PRPF8: variants seen among roughly 807,000 people sequenced by gnomAD.
PRPF8 encodes the protein pre-mRNA-processing-splicing factor 8.
A neutral mutation model predicts 285.9 loss-of-function variants in PRPF8; 64 were observed. The ratio of observed to expected loss-of-function variants is 0.22; its 90% CI spans 0.18 to 0.28. The LOEUF is 0.28. Ranked by LOEUF, PRPF8 falls within the 10% of genes least tolerant of loss-of-function variation. The pLI, the probability that PRPF8 is intolerant of heterozygous loss-of-function variation, is 1.00. For missense variants in PRPF8, 1,426 were observed against 3,026.7 expected (o/e 0.47, Z 12.41); for synonymous variants, 1,325 against 1,118.2 (o/e 1.18, Z -3.69).
In PRPF8 at chr17:1,653,743, G is replaced by A. The variant is rs759858747; in HGVS notation, c.6227+34C>T. Reference sequence around the variant, plus strand: ...CCCAGCACCTTAGGTAGTGCAGCCGGCCTTTCCATCCCCACCCTCTTGCCC... The same window carrying A: ...CCCAGCACCTTAGGTAGTGCAGCCGACCTTTCCATCCCCACCCTCTTGCCC... On this transcript the variant is annotated intron_variant, in intron 38 of 42. Coordinates refer to ENST00000304992, the MANE Select transcript of PRPF8 (RefSeq NM_006445.4). This position sits in a 1 kb window ranked among gnomAD's most constrained non-coding sequence, Gnocchi z 4.9. The A allele has an allele frequency of 6.2e-7, 1 of 1,614,090 alleles. No individual in the cohort carries two copies.
rs375914297 is a variant in PRPF8 at position 1,680,911 on chromosome 17, G to T, written c.992+18C>A. 2,378 of 1,614,040 alleles carry T rather than the reference G, an allele frequency of 1.5e-3. 2 individuals carry two copies. The highest frequency in any genetic ancestry group is 1.8e-3 in the Non-Finnish European group (2,180 of 1,180,040). ...AGCAGCCTTCTCCTTTCCAAATGTT[G>T]TGTTCCAGGTCTCTTACCAGGTGAG... On this transcript the variant is annotated intron_variant, in intron 7 of 42. Coordinates refer to ENST00000304992, the MANE Select transcript of PRPF8 (RefSeq NM_006445.4).
rs1216019422 is a variant in PRPF8, at chr17:1,651,927, A to C, written c.6370-139T>G. On this transcript the variant is annotated intron_variant, in intron 39 of 42. Coordinates refer to ENST00000304992, the MANE Select transcript of PRPF8 (RefSeq NM_006445.4). This position sits in a 1 kb window ranked among gnomAD's most constrained non-coding sequence, Gnocchi z 5.1. ...CGTGATCAGAACCCCCTGTATCAGA[A>C]TCAGCTGGGGTGCTTGTTCAAAATG... is the stretch of plus-strand genomic sequence containing the variant. The C allele has an allele frequency of 5.4e-6, 6 of 1,117,232 alleles. No homozygotes were observed. The highest frequency in any genetic ancestry group is 6.7e-6 in the Non-Finnish European group (5 of 749,884). 69.2% of individuals were successfully genotyped at this position (1,117,232 alleles called of 1,614,324 possible).
rs755243296 is a variant in PRPF8, at chr17:1,679,308, A to G, written c.1392T>C (p.Pro464=). 1 of 1,614,134 alleles carries G rather than the reference A, an allele frequency of 6.2e-7. No individual in the cohort carries two copies. Among genetic ancestry groups the G allele is most frequent in the Admixed American group, 1.7e-5 (1 of 60,018 alleles). The stretch of plus-strand genomic sequence containing the variant: ...CACCTTACCTCTTCTTTTGAGCCTT[A>G]GGGGGCCGATGCTTCAGGGCATTCA... ...YVLNALKHRP[P]KAQKKRYLFR... is the part of the protein sequence containing the mutation. The change falls in exon 10 of 43, where the codon CCT becomes CCC. Residue 464 remains proline, a synonymous_variant. Transcript: ENST00000304992. This position sits in a 1 kb window ranked among gnomAD's most constrained non-coding sequence, Gnocchi z 4.7.
rs2151133793 is a variant in PRPF8 at position 1,684,544 on chromosome 17, G to GTGTT, written c.27_28insAACA (p.Pro10AsnfsTer4). ...AGAGGGCCAGGCACCGGGTTACCCG[G>GTGTT]CCCTCGATAAGGAAACACTCCGGCC... On this transcript the variant is annotated frameshift_variant, in exon 2 of 43. Coordinates refer to ENST00000304992, the MANE Select transcript of PRPF8 (RefSeq NM_006445.4). LOFTEE classifies it high-confidence loss of function. 2.5e-6 allele frequency: 4 copies of GTGTT among 1,612,592 alleles called. No individual in the cohort carries two copies.
Position 1,682,261 on chromosome 17 carries a change from T to C in PRPF8, c.302A>G (p.Lys101Arg), listed in dbSNP as rs748374536. The C allele has an allele frequency of 6.2e-7, 1 of 1,614,174 alleles. No individual in the cohort carries two copies. The highest frequency in any genetic ancestry group is 8.5e-7 in the Non-Finnish European group (1 of 1,180,034). ...ALKYMPHAVL[K>R]LLENMPMPWE... ...AGGCATAGGCATGTTCTCCAGGAGTTTGAGGACTGCGTGGGGCATGTACTT... is the reference window on the plus strand; with the variant it reads ...AGGCATAGGCATGTTCTCCAGGAGTCTGAGGACTGCGTGGGGCATGTACTT... Residue 101 changes from lysine (K) to arginine (R), a missense_variant, in exon 4 of 43, where the codon AAA (lysine) becomes AGA (arginine). Around this residue, in one of 34 missense-constraint regions of PRPF8, gnomAD observed 96 missense variants for 188.3 expected, o/e 0.51. Transcript: ENST00000304992.
In PRPF8 at chr17:1,653,055, C is replaced by G. The variant is rs577198654; in HGVS notation, c.6369+487G>C. ...CCGGGTTCAAGCAATTCTCCTGTCT[C>G]AACCTCCCTAGTAGCTGCAACTACG... On this transcript the variant is annotated intron_variant, in intron 39 of 42. Transcript: ENST00000304992. This position sits in a 1 kb window ranked among gnomAD's most constrained non-coding sequence, Gnocchi z 4.9. 7.9e-6 allele frequency: 2 copies of G among 254,164 alleles called. No individual in the cohort carries two copies. Among genetic ancestry groups the G allele is most frequent in the Non-Finnish European group, 1.6e-5 (2 of 127,992 alleles). The allele number at this position is 254,164 out of a possible 1,614,324, so 15.7% of individuals were successfully genotyped here. A position where few individuals can be genotyped will look rare whatever the true frequency, so the allele number is the denominator to read the frequency against.
chr17:1,675,413 T>G lies in PRPF8; in HGVS notation c.2873-74A>C. On this transcript the variant is annotated intron_variant, in intron 19 of 42. Transcript: ENST00000304992. The surrounding 1 kb of genome is among the most constrained non-coding windows in gnomAD (Gnocchi z 6.0). The stretch of plus-strand genomic sequence containing the variant: ...AGACTAGCCCCACAGGAACTATCAT[T>G]ACCTTCCATAACCAATCCCACTATG... The G allele has an allele frequency of 1.3e-6, 2 of 1,546,806 alleles. No individual in the cohort carries two copies. Among genetic ancestry groups the G allele is most frequent in the Non-Finnish European group, 1.8e-6 (2 of 1,121,358 alleles).
chr17:1,654,171 T>C (rs1911225315), intron 37 of PRPF8, 155 bp from the exon 38 acceptor site: 4 of 1,100,848 alleles, frequency 3.6e-6, no homozygotes, highest in Non-Finnish European at 2.8e-6. Context: ...GAAACGGAGG[T>C]GCACTAACAC....
At chr17:1,657,894 C>G (rs1911477312) in intron 34 of PRPF8, among the ~76,000 whole-genome samples, 1 of 150,998 alleles carries the variant, frequency 6.6e-6, no homozygotes, top group Non-Finnish European at 1.5e-5. Context: ...TGGCGTGAAC[C>G]CGGGAGGCGG....
At chr17:1,654,241 T>G (rs1911231327) in intron 37 of PRPF8, 1 of 661,034 alleles carries the variant, frequency 1.5e-6, no homozygotes, top group South Asian at 1.7e-5. Flanking sequence ...TCCCACTGTT[T>G]AGCATCCATA....
chr17:1,670,980 G>C (rs1186232754), intron 24 of PRPF8, among the ~76,000 whole-genome samples: 4 of 151,766 alleles, frequency 2.6e-5, no homozygotes, highest in Non-Finnish European at 5.9e-5. Context: ...GTCACTCTGT[G>C]CTTAAGACCC....
Position 1,675,438 on chromosome 17 carries a change from G to C in PRPF8, c.2873-99C>G. ...TACCTTCCATAACCAATCCCACTAT[G>C]ATTCCACGTATTCATTTGGATTGCT... On this transcript the variant is annotated intron_variant, in intron 19 of 42. Transcript: ENST00000304992. The surrounding 1 kb of genome is among the most constrained non-coding windows in gnomAD (Gnocchi z 6.0). 1 of 1,477,334 alleles carries C rather than the reference G, an allele frequency of 6.8e-7. No individual in the cohort carries two copies. The highest frequency in any genetic ancestry group is 1.4e-5 in the African/African-American group (1 of 72,096). The allele number at this position is 1,477,334 out of a possible 1,614,324, so 91.5% of individuals were successfully genotyped here. A position where few individuals can be genotyped will look rare whatever the true frequency, so the allele number is the denominator to read the frequency against.
chr17:1,664,106 T>C (rs906691507), intron 24 of PRPF8, among the ~76,000 whole-genome samples: 3 of 152,082 alleles, frequency 2.0e-5, no homozygotes, highest in Non-Finnish European at 4.4e-5. Context: ...TCTCCACTCA[T>C]TGCAGCCTCC....
chr17:1,656,566 C>T lies in PRPF8; in HGVS notation c.5620-1G>A, dbSNP rs1911399852. On this transcript the variant is annotated splice_acceptor_variant, in intron 35 of 42. Coordinates refer to ENST00000304992, the MANE Select transcript of PRPF8 (RefSeq NM_006445.4). LOFTEE classifies it high-confidence loss of function. ...TATTGGGGAAGTCCAGTAAGTGCACCTAAGACAAGATCAAGTCCAAGATGA... is the reference window on the plus strand; with the variant it reads ...TATTGGGGAAGTCCAGTAAGTGCACTTAAGACAAGATCAAGTCCAAGATGA... 1 of 1,614,006 alleles carries T rather than the reference C, an allele frequency of 6.2e-7. No homozygotes were observed. The highest frequency in any genetic ancestry group is 8.5e-7 in the Non-Finnish European group (1 of 1,180,030).
In PRPF8 at chr17:1,684,580, A is replaced by G; in HGVS notation, c.-9T>C. 6.2e-7 allele frequency: 1 copy of G among 1,612,246 alleles called. No homozygotes were observed. Among genetic ancestry groups the G allele is most frequent in the Non-Finnish European group, 8.5e-7 (1 of 1,179,706 alleles). On this transcript the variant is annotated splice_region_variant and 5_prime_UTR_variant, in exon 2 of 43. Transcript: ENST00000304992. ...GGAAACACTCCGGCCATATCCGGAG[A>G]ATCTGGGGAGCGGCGGGATAGAAAA...
rs1035815902 is a variant in PRPF8 at position 1,659,007 on chromosome 17, ATTAT to A, written c.5139-248_5139-245del. 51 of 594,432 alleles carry A rather than the reference ATTAT, an allele frequency of 8.6e-5. No individual in the cohort carries two copies. The highest frequency in any genetic ancestry group is 3.5e-4 in the East Asian group (12 of 33,972). 36.8% of individuals were successfully genotyped at this position (594,432 alleles called of 1,614,324 possible). ...TATGGAGCTAATGGAAAATACACGG[ATTAT>A]TTATTTATTTATTATTATTATTATT... On this transcript the variant is annotated intron_variant, in intron 32 of 42. Coordinates refer to ENST00000304992, the MANE Select transcript of PRPF8 (RefSeq NM_006445.4). The surrounding 1 kb of genome is among the most constrained non-coding windows in gnomAD (Gnocchi z 5.1).
intron 30 of PRPF8, 129 bp downstream of exon 30, chr17:1,660,303 C>A: frequency 6.6e-7 from 1 of 1,511,842 alleles, no homozygotes; most frequent in East Asian, 2.3e-5. Context: ...CACGATTCCA[C>A]CTGAGCTGAC....
chr17:1,651,033 G>A lies in PRPF8; in HGVS notation c.6853+75C>T, dbSNP rs1227739169. 10 of 1,613,814 alleles carry A rather than the reference G, an allele frequency of 6.2e-6. No homozygotes were observed. The highest frequency in any genetic ancestry group is 8.5e-6 in the Non-Finnish European group (10 of 1,179,702). Reference sequence around the variant, plus strand: ...CCTGCGCCACCTCCAAGCCAGCCAGGCCCCAAGTGCAAAGGGCGATGGCCT... The same window carrying A: ...CCTGCGCCACCTCCAAGCCAGCCAGACCCCAAGTGCAAAGGGCGATGGCCT... On this transcript the variant is annotated intron_variant, in intron 42 of 42. Transcript: ENST00000304992. The surrounding 1 kb of genome is among the most constrained non-coding windows in gnomAD (Gnocchi z 5.1).
Position 1,675,886 on chromosome 17 carries a change from C to A in PRPF8, c.2679+42G>T. The A allele has an allele frequency of 6.2e-7, 1 of 1,610,694 alleles. No individual in the cohort carries two copies. Among genetic ancestry groups the A allele is most frequent in the South Asian group, 1.1e-5 (1 of 91,064 alleles). On this transcript the variant is annotated intron_variant, in intron 18 of 42. Coordinates refer to ENST00000304992, the MANE Select transcript of PRPF8 (RefSeq NM_006445.4). The surrounding 1 kb of genome is among the most constrained non-coding windows in gnomAD (Gnocchi z 6.0). ...TGGTAGAACCAAAGGCAACTGCTACCTTTGGTAGAACCAAAAAGAAAACTT... is the reference window on the plus strand; with the variant it reads ...TGGTAGAACCAAAGGCAACTGCTACATTTGGTAGAACCAAAAAGAAAACTT...
Sources: gnomAD v4.1 joint callset for allele counts (sites outside exome capture counted in the v4.1 genomes callset) on GRCh38, gnomAD v4.1.1 for gene constraint, gnomAD v4.1.1 regional missense constraint, Gnocchi (gnomAD v3.1) non-coding constraint, MANE v1.5 for transcripts, NCBI Gene and HGNC (gene_info 2026-07-23, HGNC 2026-07-21) for gene names.